SYNE2: variants seen among roughly 807,000 people sequenced by gnomAD.
The protein encoded by SYNE2 is nesprin-2.
Under a neutral mutation model 856.3 loss-of-function variants are expected in SYNE2, and 431 were observed. The ratio of observed to expected loss-of-function variants is 0.50; its 90% CI spans 0.47 to 0.55. SYNE2 has a LOEUF of 0.55. SYNE2 is among the 20% of genes least tolerant of loss of function. The pLI is 0.00. For missense variants in SYNE2, 8,129 were observed against 8,023.2 expected (o/e 1.01, Z -0.50); for synonymous variants, 2,923 against 2,872.3 (o/e 1.02, Z -0.56).
At chr14:64,094,521 T>C (rs1362301292) in intron 61 of SYNE2, among the ~76,000 whole-genome samples, 1 of 152,150 alleles carries the variant, frequency 6.6e-6, no homozygotes, top group South Asian at 2.1e-4. Flanking sequence ...GCTGCTTTTT[T>C]TTCTTGCCAT....
chr14:63,954,507 A>G (rs113005886), intron 7 of SYNE2, among the ~76,000 whole-genome samples: 1 of 152,200 alleles, frequency 6.6e-6, no homozygotes, highest in Admixed American at 6.5e-5. Flanking sequence ...CTGGCTCAGG[A>G]AACAAATTTT....
chr14:63,814,060 A>AAAC (rs71120290), intron 1 of SYNE2, among the ~76,000 whole-genome samples: 4,826 of 149,972 alleles, frequency 0.032, 178 homozygotes, highest in African/African-American at 0.089. Flanking sequence ...TCTGTCTCAA[A>AAAC]AACAACAACA....
chr14:64,170,212 A>G lies in SYNE2; in HGVS notation c.17001-16A>G. ...ATGTCGATGTCTGGATTCTATAACC[A>G]TTTGTTTTTCCCCAGACCAGAATTT... On this transcript the variant is annotated splice_polypyrimidine_tract_variant and intron_variant, in intron 93 of 115. Transcript: ENST00000555002. 5.0e-6 allele frequency: 8 copies of G among 1,611,486 alleles called. No individual in the cohort carries two copies. The highest frequency in any genetic ancestry group is 1.7e-5 in the Admixed American group (1 of 60,026).
At chr14:63,842,923 T>A (rs1890116801) in intron 1 of SYNE2, among the ~76,000 whole-genome samples, 1 of 152,232 alleles carries the variant, frequency 6.6e-6, no homozygotes, top group Admixed American at 6.5e-5. Flanking sequence ...ACGTTTACTC[T>A]TAGATATTTT....
intron 1 of SYNE2, among the ~76,000 whole-genome samples, chr14:63,828,235 G>T (rs936909032): frequency 2.0e-5 from 3 of 151,682 alleles, no homozygotes; most frequent in Non-Finnish European, 4.4e-5. Flanking sequence ...ATAAAATAAA[G>T]ATAACATACA....
chr14:64,065,655 G>A lies in SYNE2; in HGVS notation c.10431+5G>A. ...TGGAAATTTGTCAGTGAAGAAGTGA[G>A]TGCTTCATTTTCAACAAACCATGTA... On this transcript the variant is annotated splice_donor_5th_base_variant and intron_variant, in intron 51 of 115. Transcript: ENST00000555002. The A allele has an allele frequency of 6.2e-7, 1 of 1,613,828 alleles. No homozygotes were observed. Among genetic ancestry groups the A allele is most frequent in the Non-Finnish European group, 8.5e-7 (1 of 1,179,838 alleles).
chr14:64,130,831 G>T (rs190246336), intron 76 of SYNE2, among the ~76,000 whole-genome samples: 1 of 150,430 alleles, frequency 6.6e-6, no homozygotes, highest in Non-Finnish European at 1.5e-5. Flanking sequence ...GTTGCAGTAA[G>T]CTGAGATCAC....
intron 1 of SYNE2, among the ~76,000 whole-genome samples, chr14:63,791,955 C>A (rs10144423): frequency 0.66 from 91,111 of 138,792 alleles, 30,444 homozygotes; most frequent in South Asian, 0.77. Context: ...AAAAAAAAAA[C>A]AAAAACAAAA....
At position 64,188,634 on chromosome 14, in the gene SYNE2, C is replaced by T. The variant is rs1421968930; in HGVS notation, c.17797C>T (p.Leu5933=). 1.9e-6 allele frequency: 3 copies of T among 1,614,144 alleles called. No individual in the cohort carries two copies. The highest frequency in any genetic ancestry group is 2.2e-5 in the East Asian group (1 of 44,884). Residue 5933 remains leucine, a synonymous_variant, in exon 98 of 116, where the codon CTG becomes TTG. Coordinates refer to ENST00000555002, the MANE Select transcript of SYNE2 (RefSeq NM_182914.3). ...NEKNKELCAW[L]VQMENKVLQT... ...AAAAAATAAAGAGTTGTGTGCCTGGCTGGTGCAGATGGAAAACAAAGTTCT... is the reference window on the plus strand; with the variant it reads ...AAAAAATAAAGAGTTGTGTGCCTGGTTGGTGCAGATGGAAAACAAAGTTCT...
chr14:63,784,972 G>A (rs755789343), intron 1 of SYNE2, among the ~76,000 whole-genome samples: 28 of 151,722 alleles, frequency 1.8e-4, no homozygotes, highest in Non-Finnish European at 3.8e-4. Flanking sequence ...GAGGGGTGTT[G>A]TATTTGTGAA....
intron 77 of SYNE2, among the ~76,000 whole-genome samples, chr14:64,133,823 C>G (rs2098053372): frequency 6.6e-6 from 1 of 152,192 alleles, no homozygotes; most frequent in South Asian, 2.1e-4. Context: ...TTTGACAAGA[C>G]AAGCATAAAA....
At chr14:64,114,714 C>G (rs1192302901) in intron 66 of SYNE2, among the ~76,000 whole-genome samples, 1 of 151,690 alleles carries the variant, frequency 6.6e-6, no homozygotes, top group Non-Finnish European at 1.5e-5. Context: ...ACTTCCTGGG[C>G]TCAGGTGATC....
At chr14:64,098,169 G>A in intron 62 of SYNE2, 23 bp downstream of exon 62, 1 of 1,612,246 alleles carries the variant, frequency 6.2e-7, no homozygotes, top group African/African-American at 1.3e-5. Flanking sequence ...TTAGGTTAAT[G>A]CTGGCCCCAC....
intron 108 of SYNE2, among the ~76,000 whole-genome samples, chr14:64,217,058 T>C (rs549792758): frequency 5.3e-5 from 8 of 152,312 alleles, no homozygotes; most frequent in Admixed American, 2.6e-4. Flanking sequence ...CTTTTGTCCA[T>C]ACATCCTATT....
chr14:63,781,668 C>CTGTA (rs1555337807), intron 1 of SYNE2, among the ~76,000 whole-genome samples: 1 of 149,584 alleles, frequency 6.7e-6, no homozygotes, highest in Non-Finnish European at 1.5e-5. Context: ...TTCTCTCTCT[C>CTGTA]TATATATATA....
intron 44 of SYNE2, 150 bp downstream of exon 44, chr14:64,030,209 G>A: frequency 1.2e-6 from 1 of 837,140 alleles, no homozygotes; most frequent in Non-Finnish European, 1.9e-6. Flanking sequence ...TAATAAATGA[G>A]AATGTCCTTC....
At chr14:63,777,792 CTAAG>C (rs1028124797) in intron 1 of SYNE2, among the ~76,000 whole-genome samples, 6 of 152,090 alleles carry the variant, frequency 3.9e-5, no homozygotes, top group African/African-American at 1.4e-4. Context: ...CCTCAGCCTC[CTAAG>C]TAGCTAGGAC....
chr14:64,132,875 C>T (rs80093852), intron 77 of SYNE2, among the ~76,000 whole-genome samples: 10,080 of 152,164 alleles, frequency 0.066, 1,084 homozygotes, highest in African/African-American at 0.23. Flanking sequence ...CCCCTCACAC[C>T]TTTCATAGCC....
intron 107 of SYNE2, chr14:64,215,701 C>A: frequency 2.3e-6 from 1 of 427,820 alleles, no homozygotes; most frequent in Non-Finnish European, 4.2e-6. Context: ...GGAACTGTTT[C>A]CTTGCTTTAC....
Sources: allele counts gnomAD v4.1 joint callset (sites outside exome capture counted in the v4.1 genomes callset), GRCh38; gene constraint gnomAD v4.1.1; transcripts MANE v1.5; gene names NCBI Gene and HGNC (gene_info 2026-07-23, HGNC 2026-07-21).